The following CDH4 variants were observed in gnomAD, a reference collection of about 807,000 sequenced individuals.
CDH4 encodes cadherin-4.
Under a neutral mutation model 86.0 loss-of-function variants are expected in CDH4, and 33 were observed. The observed-to-expected ratio is 0.38, with a 90% CI of 0.29 to 0.51. The LOEUF is 0.51. CDH4 is among the 20% of genes least tolerant of loss of function. CDH4 has a pLI of 0.86. For synonymous variants in CDH4, 555 were observed against 549.4 expected, an observed-to-expected ratio of 1.01 and a Z score of -0.14; for missense variants, 1,114 against 1,307.4, an observed-to-expected ratio of 0.85 and a Z score of 2.28.
chr20:61,604,994 G>C (rs2086631578), intron 2 of CDH4, among the ~76,000 whole-genome samples: 1 of 152,208 alleles, frequency 6.6e-6, no homozygotes, highest in Non-Finnish European at 1.5e-5. Context: ...TGGGTGAAAT[G>C]GTTCCATTAT....
At chr20:61,374,210 T>C (rs552746828) in intron 2 of CDH4, among the ~76,000 whole-genome samples, 7 of 152,134 alleles carry the variant, frequency 4.6e-5, no homozygotes, top group African/African-American at 1.7e-4. Context: ...GGGAGAAGCA[T>C]GTGGAAAAGT....
intron 2 of CDH4, among the ~76,000 whole-genome samples, chr20:61,636,574 C>T (rs1308656554): frequency 3.3e-5 from 5 of 152,248 alleles, no homozygotes; most frequent in Non-Finnish European, 7.3e-5. Flanking sequence ...GCCCAGCGAG[C>T]GTGGCCTTTT....
chr20:61,574,678 G>C (rs2086369309), intron 2 of CDH4, among the ~76,000 whole-genome samples: 1 of 152,180 alleles, frequency 6.6e-6, no homozygotes, highest in Admixed American at 6.5e-5. Flanking sequence ...CCTTGTTCCA[G>C]GACAGGCTGC....
chr20:61,514,115 T>C (rs1398606562), intron 2 of CDH4, among the ~76,000 whole-genome samples: 1 of 152,212 alleles, frequency 6.6e-6, no homozygotes, highest in Non-Finnish European at 1.5e-5. Context: ...AAAGGACATC[T>C]TGAAGTGAGG....
At chr20:61,372,219 T>C (rs562757607) in intron 2 of CDH4, among the ~76,000 whole-genome samples, 14 of 152,322 alleles carry the variant, frequency 9.2e-5, no homozygotes, top group Admixed American at 7.8e-4. Context: ...GGCCCAGCCG[T>C]TGTCTGTGGC....
intron 4 of CDH4, among the ~76,000 whole-genome samples, chr20:61,816,215 C>A (rs925138835): frequency 6.6e-6 from 1 of 152,160 alleles, no homozygotes; most frequent in Non-Finnish European, 1.5e-5. Flanking sequence ...TAACAATTGT[C>A]TTTGCTTTCA....
chr20:61,598,479 G>A (rs1000617084), intron 2 of CDH4, among the ~76,000 whole-genome samples: 1 of 151,822 alleles, frequency 6.6e-6, no homozygotes, highest in East Asian at 1.9e-4. Flanking sequence ...CTCAGCACTC[G>A]CCTTTCAGCC....
intron 2 of CDH4, among the ~76,000 whole-genome samples, chr20:61,451,118 T>C (rs1161419647): frequency 3.3e-5 from 3 of 91,314 alleles, no homozygotes; most frequent in East Asian, 5.7e-4. Flanking sequence ...TCCCTCCCTC[T>C]CACGCCCCCC....
chr20:61,590,879 G>GT (rs949546134), intron 2 of CDH4, among the ~76,000 whole-genome samples: 2 of 135,890 alleles, frequency 1.5e-5, no homozygotes, highest in African/African-American at 6.3e-5. Flanking sequence ...AAATCTATGG[G>GT]GGGGGGGGTC....
rs947931853 is a variant in CDH4, at chr20:61,938,646, T to C, written c.*1703T>C. The C allele has an allele frequency of 1.3e-5, 2 of 152,378 alleles. No individual in the cohort carries two copies. Among genetic ancestry groups the C allele is most frequent in the South Asian group, 2.1e-4 (1 of 4,830 alleles). The allele number at this position is 152,378 out of a possible 1,614,324, so 9.4% of individuals were successfully genotyped here. On this transcript the variant is annotated 3_prime_UTR_variant, in exon 16 of 16. Coordinates refer to ENST00000614565, the MANE Select transcript of CDH4 (RefSeq NM_001794.5). Reference sequence around the variant, plus strand: ...GGTCAGGGAGTGTCTCGGGGTGCCTTTGGGGGCAGCATGAGCTCCACCAGG... The same window carrying C: ...GGTCAGGGAGTGTCTCGGGGTGCCTCTGGGGGCAGCATGAGCTCCACCAGG...
intron 8 of CDH4, among the ~76,000 whole-genome samples, chr20:61,906,024 C>T (rs145001965): frequency 2.6e-4 from 39 of 152,290 alleles, no homozygotes; most frequent in East Asian, 2.3e-3. Flanking sequence ...CTGCGAATGG[C>T]GGCTCCCAAC....
chr20:61,619,406 G>A (rs2086751701), intron 2 of CDH4, among the ~76,000 whole-genome samples: 1 of 152,214 alleles, frequency 6.6e-6, no homozygotes, highest in African/African-American at 2.4e-5. Context: ...GGAAGCCCCA[G>A]TATCTATTTT....
At position 61,417,995 on chromosome 20, in the gene CDH4, A is replaced by T. The variant is rs557617220; in HGVS notation, c.169+163058A>T. Among the ~76,000 whole-genome samples the T allele has an allele frequency of 1.3e-5, 2 of 152,146 alleles. No individual in the cohort carries two copies. Among genetic ancestry groups the T allele is most frequent in the African/African-American group, 4.8e-5 (2 of 41,522 alleles). ...GCTGCATTCGAGGCACAGAGAAGCCACCTGCTTCCTTAGACAGATCACAAG... is the reference window on the plus strand; with the variant it reads ...GCTGCATTCGAGGCACAGAGAAGCCTCCTGCTTCCTTAGACAGATCACAAG... On this transcript the variant is annotated intron_variant, in intron 2 of 15. Transcript: ENST00000614565. This position sits in a 1 kb window ranked among gnomAD's most constrained non-coding sequence, Gnocchi z 4.0.
chr20:61,677,945 G>A (rs1014491518), intron 2 of CDH4, among the ~76,000 whole-genome samples: 1 of 152,126 alleles, frequency 6.6e-6, no homozygotes, highest in Non-Finnish European at 1.5e-5. Flanking sequence ...ATGTTTGGAG[G>A]AATGGATGAT....
At chr20:61,851,656 G>T (rs1982730863) in intron 5 of CDH4, among the ~76,000 whole-genome samples, 1 of 152,228 alleles carries the variant, frequency 6.6e-6, no homozygotes, top group Non-Finnish European at 1.5e-5. Flanking sequence ...ATCCAGCTCT[G>T]GGTGGAGAGG....
chr20:61,664,250 G>A (rs2087297344), intron 2 of CDH4, among the ~76,000 whole-genome samples: 1 of 152,212 alleles, frequency 6.6e-6, no homozygotes, highest in Non-Finnish European at 1.5e-5. Flanking sequence ...CCACCCTCCT[G>A]GAGCTGTGCT....
In CDH4 at chr20:61,599,842, C is replaced by T. The variant is rs889355563; in HGVS notation, c.170-143721C>T. ...CCTGTTCCTGGTTGAAGCTGAAGCCCGCTTCCCTTCGCCGCACACAACACA... is the reference window on the plus strand; with the variant it reads ...CCTGTTCCTGGTTGAAGCTGAAGCCTGCTTCCCTTCGCCGCACACAACACA... On this transcript the variant is annotated intron_variant, in intron 2 of 15. Coordinates refer to ENST00000614565, the MANE Select transcript of CDH4 (RefSeq NM_001794.5). 4.1e-6 allele frequency: 4 copies of T among 985,406 alleles called. No homozygotes were observed. In the East Asian group the frequency reaches 3.4e-4, roughly 84 times the overall value. The allele number at this position is 985,406 out of a possible 1,614,324, so 61.0% of individuals were successfully genotyped here.
intron 4 of CDH4, among the ~76,000 whole-genome samples, chr20:61,779,838 C>G (rs1357642216): frequency 6.6e-6 from 1 of 152,208 alleles, no homozygotes; most frequent in East Asian, 1.9e-4. Flanking sequence ...TGGCAGGGGC[C>G]CCATAAAAGT....
rs115940790 is a variant in CDH4 at position 61,270,760 on chromosome 20, G to A, written c.169+15823G>A. ...TGAAGTCTCGTATCCTTCGTAAATG[G>A]TAGTGGGGTGGGGGTAGTGTGAGCT... On this transcript the variant is annotated intron_variant, in intron 2 of 15. Transcript: ENST00000614565. 3.2e-3 allele frequency among the ~76,000 whole-genome samples: 489 copies of A among 152,324 alleles called. 1 individual carries two copies. Among genetic ancestry groups the A allele is most frequent in the African/African-American group, 0.011 (449 of 41,572 alleles).
Sources: gnomAD v4.1 joint callset for allele counts (sites outside exome capture counted in the v4.1 genomes callset) on GRCh38, gnomAD v4.1.1 for gene constraint, Gnocchi (gnomAD v3.1) non-coding constraint, MANE v1.5 for transcripts, NCBI Gene and HGNC (gene_info 2026-07-23, HGNC 2026-07-21) for gene names.